Variants in SLC25A21 observed in about 807,000 individuals in gnomAD.
SLC25A21 encodes the protein solute carrier family 25 member 21, also known as mitochondrial 2-oxodicarboxylate carrier.
Under a neutral mutation model 43.8 loss-of-function variants are expected in SLC25A21, and 47 were observed. That is an observed-to-expected ratio of 1.07 (90% CI 0.85 to 1.37). The LOEUF (loss-of-function observed/expected upper bound fraction) is 1.37, where lower values mean the gene tolerates loss of function less well. Ranked by LOEUF, SLC25A21 falls within the 40% of genes most tolerant of loss-of-function variation. The pLI, the probability that SLC25A21 is intolerant of heterozygous loss-of-function variation, is 0.00. For synonymous variants in SLC25A21, 131 were observed against 121.3 expected, an observed-to-expected ratio of 1.08 and a Z score of -0.52; for missense variants, 352 against 350.2, an observed-to-expected ratio of 1.00 and a Z score of -0.04.
intron 3 of SLC25A21, among the ~76,000 whole-genome samples, chr14:36,738,082 T>C (rs1310984705): frequency 2.0e-5 from 3 of 152,230 alleles, no homozygotes; most frequent in Non-Finnish European, 4.4e-5. Flanking sequence ...AAGTGGCTGC[T>C]GTAGAACCTC....
At chr14:36,804,375 T>C (rs1887967181) in intron 3 of SLC25A21, among the ~76,000 whole-genome samples, 1 of 152,186 alleles carries the variant, frequency 6.6e-6, no homozygotes, top group Admixed American at 6.6e-5. Context: ...TATTAAAAGA[T>C]GAGGAAGACA....
At chr14:36,950,281 T>G (rs1892776029) in intron 1 of SLC25A21, among the ~76,000 whole-genome samples, 1 of 152,154 alleles carries the variant, frequency 6.6e-6, no homozygotes, top group African/African-American at 2.4e-5. Context: ...GCCCCCCAAT[T>G]CATAGGTTAA....
chr14:36,752,602 C>T (rs768809683), intron 3 of SLC25A21, among the ~76,000 whole-genome samples: 5 of 152,116 alleles, frequency 3.3e-5, no homozygotes, highest in Admixed American at 6.5e-5. Context: ...ATGAGTACAC[C>T]ATGCTACATG....
At chr14:36,756,251 G>A (rs1297935159) in intron 3 of SLC25A21, among the ~76,000 whole-genome samples, 4 of 152,196 alleles carry the variant, frequency 2.6e-5, no homozygotes, top group East Asian at 3.9e-4. Context: ...AGTTCTGAGC[G>A]ATTGGAAGCT....
chr14:36,972,714 C>G (rs1313934384), intron 1 of SLC25A21, among the ~76,000 whole-genome samples: 2 of 152,072 alleles, frequency 1.3e-5, no homozygotes, highest in African/African-American at 4.8e-5. Context: ...AAAGGCAAAG[C>G]AAGATCAGAG....
chr14:36,873,522 C>A (rs2138553466), intron 2 of SLC25A21, among the ~76,000 whole-genome samples: 1 of 152,240 alleles, frequency 6.6e-6, no homozygotes, highest in South Asian at 2.1e-4. Flanking sequence ...TCTCAAACTC[C>A]TGAACTCAGA....
At chr14:36,949,895 G>A (rs910325381) in intron 1 of SLC25A21, among the ~76,000 whole-genome samples, 5 of 152,120 alleles carry the variant, frequency 3.3e-5, no homozygotes, top group African/African-American at 1.2e-4. Flanking sequence ...GGGGGAAGGG[G>A]CTCTGGACAC....
At chr14:36,935,055 A>G (rs1892385826) in intron 1 of SLC25A21, among the ~76,000 whole-genome samples, 1 of 152,118 alleles carries the variant, frequency 6.6e-6, no homozygotes, top group African/African-American at 2.4e-5. Context: ...CAAATGGAGA[A>G]GATAACTCAA....
intron 3 of SLC25A21, among the ~76,000 whole-genome samples, 191 bp from the exon 4 acceptor site, chr14:36,734,764 C>A (rs529333961): frequency 6.6e-6 from 1 of 152,072 alleles, no homozygotes; most frequent in Non-Finnish European, 1.5e-5. Flanking sequence ...AAGGTAAATA[C>A]GTGATACTGA....
intron 1 of SLC25A21, among the ~76,000 whole-genome samples, chr14:37,133,691 CT>C (rs1201578536): frequency 3.3e-5 from 5 of 152,098 alleles, no homozygotes; most frequent in Non-Finnish European, 7.4e-5. Context: ...TGTTCCCTGT[CT>C]CCTTCCCCTC....
chr14:36,814,453 G>C (rs1161186564), intron 2 of SLC25A21, among the ~76,000 whole-genome samples: 1 of 152,060 alleles, frequency 6.6e-6, no homozygotes, highest in African/African-American at 2.4e-5. Flanking sequence ...GAATCTACAA[G>C]GAACTGAAAC....
At chr14:36,804,981 A>G (rs1250676574) in intron 3 of SLC25A21, among the ~76,000 whole-genome samples, 2 of 152,200 alleles carry the variant, frequency 1.3e-5, no homozygotes, top group African/African-American at 4.8e-5. Flanking sequence ...AAATATTTCC[A>G]GTGGGATATC....
rs1051107276 is a variant in SLC25A21 at position 36,836,743 on chromosome 14, T to A, written c.120-22742A>T. 2.0e-5 allele frequency among the ~76,000 whole-genome samples: 3 copies of A among 152,154 alleles called. No individual in the cohort carries two copies. The East Asian group carries it at 5.8e-4, about 29-fold the overall frequency. ...TAGGCAGTAAATGTAGCATTCTTCA[T>A]CAAAAAGTTTGTAGTTAAGAAAAGG... is the stretch of plus-strand genomic sequence containing the variant. On this transcript the variant is annotated intron_variant, in intron 2 of 9. Transcript: ENST00000331299.
In SLC25A21 at chr14:36,800,159, A is replaced by T. The variant is rs945457492; in HGVS notation, c.203+13759T>A. ...TGAACATAATTCTCATAGCTTTTTT[A>T]AAAAAGTCATTCTCTGTTAAACATA... is the stretch of plus-strand genomic sequence containing the variant. On this transcript the variant is annotated intron_variant, in intron 3 of 9. Coordinates refer to ENST00000331299, the MANE Select transcript of SLC25A21 (RefSeq NM_030631.4). 4.6e-5 allele frequency among the ~76,000 whole-genome samples: 7 copies of T among 152,204 alleles called. No homozygotes were observed. In the East Asian group the frequency reaches 1.2e-3, roughly 25 times the overall value.
chr14:36,880,540 C>T (rs1455313949), intron 1 of SLC25A21, among the ~76,000 whole-genome samples: 1 of 152,112 alleles, frequency 6.6e-6, no homozygotes, highest in Admixed American at 6.6e-5. Context: ...TGTTTGTATC[C>T]TCACCACTTT....
chr14:36,770,486 TA>T (rs753992713), intron 3 of SLC25A21, among the ~76,000 whole-genome samples: 47 of 152,274 alleles, frequency 3.1e-4, no homozygotes, highest in Admixed American at 2.4e-3. Flanking sequence ...ACATGTACAG[TA>T]ACAAGCCTGT....
chr14:36,958,880 C>T (rs1234319234), intron 1 of SLC25A21, among the ~76,000 whole-genome samples: 1 of 152,240 alleles, frequency 6.6e-6, no homozygotes, highest in Non-Finnish European at 1.5e-5. Context: ...CTGTATTCTA[C>T]AACCAGCTTC....
At chr14:37,020,150 C>A (rs1415583434) in intron 1 of SLC25A21, among the ~76,000 whole-genome samples, 1 of 151,832 alleles carries the variant, frequency 6.6e-6, no homozygotes, top group Non-Finnish European at 1.5e-5. Context: ...CCAGTGCCAA[C>A]ACTGTGTTAA....
intron 1 of SLC25A21, among the ~76,000 whole-genome samples, chr14:37,167,743 T>C (rs2180633): frequency 0.96 from 145,747 of 152,080 alleles, 70,170 homozygotes; most frequent in East Asian, 1. Flanking sequence ...AGACCCTGCG[T>C]TTGATGGATC....
Sources: allele counts gnomAD v4.1 joint callset (sites outside exome capture counted in the v4.1 genomes callset), GRCh38; gene constraint gnomAD v4.1.1; transcripts MANE v1.5; gene names NCBI Gene and HGNC (gene_info 2026-07-23, HGNC 2026-07-21).